PPA1: variants seen among roughly 807,000 people sequenced by gnomAD.
The protein encoded by PPA1 is inorganic pyrophosphatase.
Under a neutral mutation model 41.8 loss-of-function variants are expected in PPA1, and 23 were observed. That is an observed-to-expected ratio of 0.55 (90% CI 0.40 to 0.78). The LOEUF (loss-of-function observed/expected upper bound fraction) is 0.78, where lower values mean the gene tolerates loss of function less well. Among genes scored for constraint, PPA1 ranks in the 30% least tolerant of loss-of-function variants. PPA1 has a pLI of 0.00. For synonymous variants in PPA1, 101 were observed against 116.8 expected (o/e 0.86, Z 0.87); for missense variants, 320 against 361.6 (o/e 0.89, Z 0.93).
At chr10:70,209,963 A>G (rs1049431190) in intron 6 of PPA1, 2 of 400,830 alleles carry the variant, frequency 5.0e-6, no homozygotes, top group Non-Finnish European at 9.0e-6. Context: ...CAATCAGTAC[A>G]ATAGTAATCT....
rs190904381 is a variant in PPA1, at chr10:70,222,487, T to G, written c.124-3670A>C. On this transcript the variant is annotated intron_variant, in intron 2 of 10. Coordinates refer to ENST00000373232, the MANE Select transcript of PPA1 (RefSeq NM_021129.4). ...AGGCACTTTTCTAGGCTCCGAAGAC[T>G]AGCAATGAACAAAATAAAAGTTCTT... 2.9e-4 allele frequency among the ~76,000 whole-genome samples: 44 copies of G among 152,216 alleles called. 1 individual carries two copies. The East Asian group carries it at 5.8e-3, about 20-fold the overall frequency.
chr10:70,225,666 GAA>G (rs1840222532), intron 2 of PPA1, among the ~76,000 whole-genome samples: 1 of 143,932 alleles, frequency 6.9e-6, no homozygotes, highest in African/African-American at 2.5e-5. Context: ...TTTTTTTTTG[GAA>G]CTTATAGACT....
Position 70,209,257 on chromosome 10 carries a change from C to T in PPA1, c.673G>A (p.Asp225Asn). Residue 225 changes from aspartate (D) to asparagine (N), a missense_variant, in exon 8 of 11, where the codon GAC becomes AAC. Coordinates refer to ENST00000373232, the MANE Select transcript of PPA1 (RefSeq NM_021129.4). ...FAIDIIKSTH[D>N]HWKALVTKKT... is the part of the protein sequence containing the mutation. ...TTAGTCACTAATGCTTTCCAATGGT[C>T]ATGAGTGCTTTTAATAATATCAATG... 1 of 1,602,642 alleles carries T rather than the reference C, an allele frequency of 6.2e-7. No homozygotes were observed. The highest frequency in any genetic ancestry group is 8.5e-7 in the Non-Finnish European group (1 of 1,170,154).
intron 2 of PPA1, among the ~76,000 whole-genome samples, chr10:70,226,745 T>C (rs1451583035): frequency 1.3e-5 from 2 of 152,152 alleles, no homozygotes; most frequent in African/African-American, 2.4e-5. Context: ...ACTAATAATT[T>C]TGAGCGTGGA....
Position 70,217,827 on chromosome 10 carries a change from A to G in PPA1, c.282T>C (p.Tyr94=), listed in dbSNP as rs140219731. ...LFPYKGYIWN[Y]GAIPQTWEDP... is the part of the protein sequence containing the mutation. Reference sequence around the variant, plus strand: ...GAAGACATACCTGAGGGATGGCACCATAGTTCCAGATATATCCTTTATACG... The same window carrying G: ...GAAGACATACCTGAGGGATGGCACCGTAGTTCCAGATATATCCTTTATACG... The change falls in exon 4 of 11, where the codon TAT becomes TAC. Residue 94 remains tyrosine (Y), a synonymous_variant. Coordinates refer to ENST00000373232, the MANE Select transcript of PPA1 (RefSeq NM_021129.4). 1.5e-4 allele frequency: 239 copies of G among 1,579,400 alleles called. No individual in the cohort carries two copies. Among genetic ancestry groups the G allele is most frequent in the Non-Finnish European group, 2.0e-4 (231 of 1,161,606 alleles).
chr10:70,225,887 A>G (rs933970315), intron 2 of PPA1, among the ~76,000 whole-genome samples: 1 of 152,200 alleles, frequency 6.6e-6, no homozygotes, highest in African/African-American at 2.4e-5. Flanking sequence ...GATATACTCT[A>G]AGTTGTTAAA....
At chr10:70,230,758 C>A (rs545743999) in intron 1 of PPA1, among the ~76,000 whole-genome samples, 1 of 152,270 alleles carries the variant, frequency 6.6e-6, no homozygotes, top group African/African-American at 2.4e-5. Flanking sequence ...GGTGAGCCAC[C>A]GCACCCTGCA....
rs1231453737 is a variant in PPA1 at position 70,203,084 on chromosome 10, C to CTAAG, written c.*70_*71insCTTA. The stretch of plus-strand genomic sequence containing the variant: ...ACAAATTTAAAGCTTTGAAAAGCTA[C>CTAAG]TACTTTTACTTCTAATACATCCAGA... On this transcript the variant is annotated 3_prime_UTR_variant, in exon 11 of 11. Transcript: ENST00000373232. The CTAAG allele has an allele frequency of 2.1e-6, 3 of 1,454,750 alleles. No individual in the cohort carries two copies. The Admixed American group carries it at 5.2e-5, about 25-fold the overall frequency. The allele number at this position is 1,454,750 out of a possible 1,614,324, so 90.1% of individuals were successfully genotyped here. A position where few individuals can be genotyped will look rare whatever the true frequency, so the allele number is the denominator to read the frequency against.
intron 1 of PPA1, among the ~76,000 whole-genome samples, chr10:70,230,821 T>TC (rs1334762469): frequency 6.6e-6 from 1 of 152,224 alleles, no homozygotes; most frequent in African/African-American, 2.4e-5. Context: ...CTAGAAAAAC[T>TC]GTTTGTATAC....
chr10:70,207,644 AC>A (rs1289038724), intron 8 of PPA1, among the ~76,000 whole-genome samples: 1 of 151,792 alleles, frequency 6.6e-6, no homozygotes, highest in Admixed American at 6.6e-5. Context: ...TGGGCGAGAG[AC>A]CCTGTCTCTA....
At chr10:70,216,087 C>T (rs1840077709) in intron 4 of PPA1, among the ~76,000 whole-genome samples, 1 of 152,220 alleles carries the variant, frequency 6.6e-6, no homozygotes, top group Non-Finnish European at 1.5e-5. Context: ...AGGAAGACCA[C>T]ATCTAACAAA....
chr10:70,230,220 C>A lies in PPA1; in HGVS notation c.123+121G>T. ...CACCACGCCCAGCCTAATCAACAGA[C>A]CTTTAGCTCACAGCACAACGAGGCA... On this transcript the variant is annotated intron_variant, in intron 2 of 10. Transcript: ENST00000373232. 3 of 1,199,830 alleles carry A rather than the reference C, an allele frequency of 2.5e-6. No individual in the cohort carries two copies. In the South Asian group the frequency reaches 4.0e-5, roughly 16 times the overall value. The allele number at this position is 1,199,830 out of a possible 1,614,324, so 74.3% of individuals were successfully genotyped here.
chr10:70,211,665 C>G (rs923274287), intron 6 of PPA1, among the ~76,000 whole-genome samples: 1 of 152,034 alleles, frequency 6.6e-6, no homozygotes, highest in Non-Finnish European at 1.5e-5. Flanking sequence ...GACCAGCCAC[C>G]CCGAGAAAGT....
chr10:70,205,686 A>G (rs1461927250), intron 9 of PPA1: 2 of 152,238 alleles, frequency 1.3e-5, no homozygotes, highest in African/African-American at 4.8e-5. Context: ...AGGCAGTAAA[A>G]AAGTCAGACC....
At chr10:70,217,167 T>A (rs79801480) in intron 4 of PPA1, among the ~76,000 whole-genome samples, 4 of 150,408 alleles carry the variant, frequency 2.7e-5, no homozygotes, top group African/African-American at 7.3e-5. Flanking sequence ...CAAAAAAAAA[T>A]TTTTTTAATT....
intron 10 of PPA1, chr10:70,203,472 T>TG (rs1019274376): frequency 2.3e-5 from 7 of 301,550 alleles, no homozygotes; most frequent in Non-Finnish European, 4.3e-5. Context: ...GCAGCAATCA[T>TG]GGCTCACTGC....
intron 8 of PPA1, among the ~76,000 whole-genome samples, chr10:70,206,811 T>G (rs1839945497): frequency 7.3e-6 from 1 of 136,290 alleles, no homozygotes; most frequent in South Asian, 2.4e-4. Context: ...GCCACTGCAC[T>G]CCAGCCTGGT....
chr10:70,229,880 T>A (rs577123366), intron 2 of PPA1, among the ~76,000 whole-genome samples: 35 of 152,262 alleles, frequency 2.3e-4, no homozygotes, highest in Admixed American at 2.3e-3. Context: ...AACTAAATAA[T>A]CTAGTTTTAA....
In PPA1 at chr10:70,214,504, C is replaced by A. The variant is rs1239134690; in HGVS notation, c.380G>T (p.Ser127Ile). The change falls in exon 5 of 11, where the codon AGC becomes ATC. Residue 127 changes from serine to isoleucine, a missense_variant. Physicochemically the swap from Ser to Ile is moderately radical, Grantham distance 142. Transcript: ENST00000373232. The stretch of plus-strand genomic sequence containing the variant: ...AAAAATGTCACATTTCATTACCTTG[C>A]TTCCAATTTCACACACATCAATTGG... ...NDPIDVCEIG[S>I]KVCARGEIIG... 24 of 1,611,122 alleles carry A rather than the reference C, an allele frequency of 1.5e-5. No homozygotes were observed. The highest frequency in any genetic ancestry group is 2.0e-5 in the Non-Finnish European group (24 of 1,178,318).
Sources: allele counts gnomAD v4.1 joint callset (sites outside exome capture counted in the v4.1 genomes callset), GRCh38; gene constraint gnomAD v4.1.1; transcripts MANE v1.5; gene names NCBI Gene and HGNC (gene_info 2026-07-23, HGNC 2026-07-21).